ITGA11: variants seen among roughly 807,000 people sequenced by gnomAD.
The protein encoded by ITGA11 is integrin alpha-11.
Under a neutral mutation model 141.9 loss-of-function variants are expected in ITGA11, and 97 were observed. The ratio of observed to expected loss-of-function variants is 0.68; its 90% CI spans 0.58 to 0.81. The LOEUF is 0.81. Among genes scored for constraint, ITGA11 ranks in the 30% least tolerant of loss-of-function variants. ITGA11 has a pLI of 0.00. For synonymous variants in ITGA11, 658 were observed against 624.6 expected (o/e 1.05, Z -0.80); for missense variants, 1,387 against 1,559.2 (o/e 0.89, Z 1.86).
intron 2 of ITGA11, among the ~76,000 whole-genome samples, chr15:68,375,148 C>T (rs1462286336): frequency 6.6e-6 from 1 of 152,194 alleles, no homozygotes; most frequent in Non-Finnish European, 1.5e-5. Context: ...AGCCTCTCAC[C>T]TCTCTCCTCT....
intron 22 of ITGA11, among the ~76,000 whole-genome samples, chr15:68,314,438 C>G (rs1236710013): frequency 6.6e-6 from 1 of 152,128 alleles, no homozygotes; most frequent in African/African-American, 2.4e-5. Context: ...ATCTGAGCAC[C>G]ATGAACTACC....
Position 68,335,408 on chromosome 15 carries a change from G to A in ITGA11, c.1425+289C>T, listed in dbSNP as rs1595864962. Among the ~76,000 whole-genome samples the A allele has an allele frequency of 5.3e-5, 8 of 152,340 alleles. 2 individuals carry two copies. The South Asian group carries it at 1.7e-3, about 32-fold the overall frequency. ...CCACCACAGGACTCTTGGCAGCACA[G>A]TCTGGTTGCCAACCACCTCCCTGTG... On this transcript the variant is annotated intron_variant, in intron 12 of 29. Transcript: ENST00000315757. This position sits in a 1 kb window ranked among gnomAD's most constrained non-coding sequence, Gnocchi z 4.9.
chr15:68,420,506 T>G (rs1025704699), intron 1 of ITGA11, among the ~76,000 whole-genome samples: 3 of 152,152 alleles, frequency 2.0e-5, no homozygotes, highest in Non-Finnish European at 2.9e-5. Flanking sequence ...GCCACCAACC[T>G]CTTCTTGTCT....
intron 1 of ITGA11, among the ~76,000 whole-genome samples, chr15:68,420,339 A>G (rs946792493): frequency 6.6e-6 from 1 of 152,222 alleles, no homozygotes; most frequent in Non-Finnish European, 1.5e-5. Context: ...TCTCAGAGTC[A>G]TAGTAAATAG....
intron 1 of ITGA11, among the ~76,000 whole-genome samples, chr15:68,423,120 C>T (rs11635776): frequency 0.72 from 108,821 of 152,148 alleles, 40,098 homozygotes; most frequent in African/African-American, 0.9. Flanking sequence ...TTCAACACAT[C>T]TTAACTGAGC....
At position 68,326,375 on chromosome 15, in the gene ITGA11, T is replaced by C. The variant is rs1017462410; in HGVS notation, c.2211+279A>G. 6.6e-6 allele frequency among the ~76,000 whole-genome samples: 1 copy of C among 152,104 alleles called. No homozygotes were observed. Among genetic ancestry groups the C allele is most frequent in the Non-Finnish European group, 1.5e-5 (1 of 68,012 alleles). On this transcript the variant is annotated intron_variant, in intron 17 of 29. Coordinates refer to ENST00000315757, the MANE Select transcript of ITGA11 (RefSeq NM_001004439.2). This position sits in a 1 kb window ranked among gnomAD's most constrained non-coding sequence, Gnocchi z 6.8. ...GTGCCCCCCACCAGCTGCTCCTAGT[T>C]CTCTCTGCTGGACCTACTGAGCCCA... is the stretch of plus-strand genomic sequence containing the variant.
chr15:68,374,530 T>C (rs1287304137), intron 2 of ITGA11, among the ~76,000 whole-genome samples: 2 of 152,186 alleles, frequency 1.3e-5, no homozygotes, highest in African/African-American at 2.4e-5. Flanking sequence ...AGGGTGGTGC[T>C]TCCCCCAAGC....
In ITGA11 at chr15:68,320,329, G is replaced by T. The variant is rs768466026; in HGVS notation, c.2472C>A (p.Phe824Leu). Residue 824 changes from phenylalanine to leucine, a missense_variant, in exon 20 of 30, where the codon TTC (phenylalanine) becomes TTA (leucine). Transcript: ENST00000315757. ...TCTCTATGATGAAGACTGTGGTGTC[G>T]AAGGACAGCGTGTATGCGGAGCAGT... ...AQDCSAYTLS[F>L]DTTVFIIEST... The T allele has an allele frequency of 1.9e-6, 3 of 1,613,026 alleles. No individual in the cohort carries two copies. The highest frequency in any genetic ancestry group is 2.5e-6 in the Non-Finnish European group (3 of 1,179,494).
At chr15:68,362,655 G>A (rs769050976) in intron 4 of ITGA11, among the ~76,000 whole-genome samples, 7 of 152,114 alleles carry the variant, frequency 4.6e-5, no homozygotes, top group Non-Finnish European at 1.0e-4. Context: ...ATGATGAATG[G>A]ATGGATGGAT....
At chr15:68,414,633 T>G (rs1288775925) in intron 1 of ITGA11, among the ~76,000 whole-genome samples, 1 of 152,182 alleles carries the variant, frequency 6.6e-6, no homozygotes, top group Non-Finnish European at 1.5e-5. Context: ...CCTCTGGACT[T>G]ATTTCCAAAT....
At position 68,351,384 on chromosome 15, in the gene ITGA11, C is replaced by T; in HGVS notation, c.768G>A (p.Lys256=). 1 of 1,613,948 alleles carries T rather than the reference C, an allele frequency of 6.2e-7. No homozygotes were observed. Among genetic ancestry groups the T allele is most frequent in the South Asian group, 1.1e-5 (1 of 91,082 alleles). The change falls in exon 8 of 30, where the codon AAG becomes AAA. Residue 256 remains lysine, a synonymous_variant. Coordinates refer to ENST00000315757, the MANE Select transcript of ITGA11 (RefSeq NM_001004439.2). The stretch of plus-strand genomic sequence containing the variant: ...CCTTCTTGGCTCCTTTCCTTCCACC[C>T]TTCTGGAAAGCCTCTGAGCTGGAAG... The part of the protein sequence containing the change: ...IEFARSEAFQ[K]GGRKGAKKVM...
chr15:68,384,690 G>A (rs557289356), intron 2 of ITGA11, among the ~76,000 whole-genome samples: 3 of 152,284 alleles, frequency 2.0e-5, no homozygotes, highest in African/African-American at 4.8e-5. Flanking sequence ...CCTGGGCTTC[G>A]CTTCTGTAGT....
At chr15:68,350,004 C>A (rs1004240834) in intron 9 of ITGA11, among the ~76,000 whole-genome samples, 1 of 152,144 alleles carries the variant, frequency 6.6e-6, no homozygotes, top group Non-Finnish European at 1.5e-5. Context: ...AATTTGGCAA[C>A]CCTAGTTCAA....
chr15:68,320,076 C>T, intron 20 of ITGA11, 109 bp downstream of exon 20: 1 of 906,972 alleles, frequency 1.1e-6, no homozygotes, highest in East Asian at 2.6e-5. Flanking sequence ...AGGCATGAGC[C>T]ACTGCATCCA....
intron 14 of ITGA11, 63 bp from the exon 15 acceptor site, chr15:68,331,174 CGAGCAGCAGGA>C: frequency 1.4e-6 from 2 of 1,468,304 alleles, no homozygotes; most frequent in Non-Finnish European, 1.9e-6. Flanking sequence ...CGGGCGTCCC[CGAGCAGCAGGA>C]ACAATCAGGA....
chr15:68,394,217 T>C (rs1896180818), intron 2 of ITGA11, among the ~76,000 whole-genome samples: 1 of 152,176 alleles, frequency 6.6e-6, no homozygotes, highest in African/African-American at 2.4e-5. Flanking sequence ...GAATCAGTAA[T>C]TTAAAATATT....
chr15:68,353,806 G>C (rs1894986614), intron 7 of ITGA11, among the ~76,000 whole-genome samples: 1 of 152,108 alleles, frequency 6.6e-6, no homozygotes, highest in African/African-American at 2.4e-5. Flanking sequence ...ACCTGCACAG[G>C]TTCCTATTTC....
chr15:68,399,874 A>T (rs1896424354), intron 2 of ITGA11, among the ~76,000 whole-genome samples: 1 of 152,098 alleles, frequency 6.6e-6, no homozygotes, highest in Non-Finnish European at 1.5e-5. Flanking sequence ...GGGTGACGGG[A>T]TCACTTGTAC....
At chr15:68,409,988 C>A (rs1264173002) in intron 1 of ITGA11, among the ~76,000 whole-genome samples, 1 of 152,246 alleles carries the variant, frequency 6.6e-6, no homozygotes, top group African/African-American at 2.4e-5. Context: ...CCAGGCTTGT[C>A]CCCTCCTACA....
Sources: gnomAD v4.1 joint callset for allele counts (sites outside exome capture counted in the v4.1 genomes callset) on GRCh38, gnomAD v4.1.1 for gene constraint, Gnocchi (gnomAD v3.1) non-coding constraint, MANE v1.5 for transcripts, NCBI Gene and HGNC (gene_info 2026-07-23, HGNC 2026-07-21) for gene names.